NR3C1: variants seen among roughly 807,000 people sequenced by gnomAD.
The protein encoded by NR3C1 is nuclear receptor subfamily 3 group C member 1.
NR3C1 carries 14 observed loss-of-function variants against 74.0 expected under a neutral mutation model. The observed-to-expected ratio is 0.19, with a 90% CI of 0.12 to 0.30. The LOEUF (loss-of-function observed/expected upper bound fraction) is 0.30. Ranked by LOEUF, NR3C1 falls within the 10% of genes least tolerant of loss-of-function variation. The pLI is 1.00. For synonymous variants in NR3C1, 308 were observed against 332.5 expected, an observed-to-expected ratio of 0.93 and a Z score of 0.80; for missense variants, 695 against 909.8, an observed-to-expected ratio of 0.76 and a Z score of 3.04.
At chr5:143,434,356 T>A (rs1752017787) in intron 1 of NR3C1, among the ~76,000 whole-genome samples, 1 of 152,202 alleles carries the variant, frequency 6.6e-6, no homozygotes. Flanking sequence ...TATTTCTTTT[T>A]AGATAAAGCC....
chr5:143,288,536 G>C (rs926386343), intron 7 of NR3C1, among the ~76,000 whole-genome samples: 2 of 151,674 alleles, frequency 1.3e-5, no homozygotes, highest in Non-Finnish European at 2.9e-5. Flanking sequence ...TGTTGCCCAG[G>C]CTAGAGTGCA....
At chr5:143,296,094 CCT>C (rs1357038230) in intron 6 of NR3C1, among the ~76,000 whole-genome samples, 2 of 152,170 alleles carry the variant, frequency 1.3e-5, no homozygotes, top group African/African-American at 4.8e-5. Flanking sequence ...TCAAAATCTG[CCT>C]CTGACAGGCA....
Position 143,279,524 on chromosome 5 carries a change from T to C in NR3C1, c.*2365A>G, listed in dbSNP as rs537319120. On this transcript the variant is annotated 3_prime_UTR_variant, in exon 9 of 9. Coordinates refer to ENST00000394464, the MANE Select transcript of NR3C1 (RefSeq NM_000176.3). ...GCACCAAAAATTTATCCAGCCGGGT[T>C]ACACACCATCTTAAAATATTACATT... 3 of 1,011,894 alleles carry C rather than the reference T, an allele frequency of 3.0e-6. No homozygotes were observed. In the Admixed American group the frequency reaches 1.2e-4, roughly 39 times the overall value. 62.7% of individuals were successfully genotyped at this position (1,011,894 alleles called of 1,614,324 possible).
intron 1 of NR3C1, chr5:143,433,776 G>A (rs996940324): frequency 2.0e-5 from 3 of 152,250 alleles, no homozygotes; most frequent in Admixed American, 6.6e-5. Flanking sequence ...TTCCACACTT[G>A]CCCATCTACA....
rs547980937 is a variant in NR3C1 at position 143,341,674 on chromosome 5, T to G, written c.1185-27506A>C. ...CACCAGAAAGTTGAAAGTGAAATGA[T>G]GTTATTTAATATAAACCTGTTCTTA... On this transcript the variant is annotated intron_variant, in intron 2 of 8. Transcript: ENST00000394464. Among the ~76,000 whole-genome samples the G allele has an allele frequency of 2.0e-5, 3 of 152,336 alleles. No homozygotes were observed. In the South Asian group the frequency reaches 6.2e-4, roughly 32 times the overall value.
intron 2 of NR3C1, among the ~76,000 whole-genome samples, chr5:143,359,045 T>C (rs756538683): frequency 6.6e-6 from 1 of 152,216 alleles, no homozygotes; most frequent in Non-Finnish European, 1.5e-5. Context: ...TCAATGAAGA[T>C]GTTTTGATAA....
intron 1 of NR3C1, among the ~76,000 whole-genome samples, chr5:143,415,756 A>T (rs1841455807): frequency 1.3e-5 from 2 of 152,190 alleles, no homozygotes; most frequent in African/African-American, 4.8e-5. Flanking sequence ...TTGTACAATT[A>T]TTATAGAATT....
At chr5:143,376,901 T>A (rs1234356275) in intron 2 of NR3C1, among the ~76,000 whole-genome samples, 5 of 152,066 alleles carry the variant, frequency 3.3e-5, no homozygotes, top group African/African-American at 1.2e-4. Context: ...GACTGGAGAT[T>A]TAGAATGAAT....
chr5:143,282,585 A>T lies in NR3C1; in HGVS notation c.2164T>A (p.Leu722Met). 6.2e-7 allele frequency: 1 copy of T among 1,613,908 alleles called. No individual in the cohort carries two copies. Among genetic ancestry groups the T allele is most frequent in the Non-Finnish European group, 8.5e-7 (1 of 1,179,868 alleles). ...ACACTTACTTCATGCATAGAATCCAAGAGTTTTGTCAGTTGATAAAACCGC... is the reference window on the plus strand; with the variant it reads ...ACACTTACTTCATGCATAGAATCCATGAGTTTTGTCAGTTGATAAAACCGC... The part of the protein sequence containing the change: ...WQRFYQLTKL[L>M]DSMHEVVENL... The change falls in exon 8 of 9, where the codon TTG becomes ATG. Residue 722 changes from leucine to methionine, a missense_variant. Leu to Met is a conservative substitution (Grantham distance 15, BLOSUM62 2). This residue lies in a region of NR3C1 where 133 missense variants were observed against 287.9 expected (regional missense o/e 0.46). Coordinates refer to ENST00000394464, the MANE Select transcript of NR3C1 (RefSeq NM_000176.3).
At chr5:143,375,610 A>AT (rs1235091787) in intron 2 of NR3C1, 2 of 152,242 alleles carry the variant, frequency 1.3e-5, no homozygotes, top group African/African-American at 4.8e-5. Context: ...GTTACTAAAA[A>AT]TTTTTAATAC....
chr5:143,287,899 G>T (rs771199577), intron 7 of NR3C1, among the ~76,000 whole-genome samples: 12 of 152,126 alleles, frequency 7.9e-5, no homozygotes, highest in Non-Finnish European at 1.0e-4. Flanking sequence ...TTCACATACT[G>T]TATATAGCTG....
At chr5:143,336,200 C>T (rs1423745400) in intron 2 of NR3C1, among the ~76,000 whole-genome samples, 1 of 152,178 alleles carries the variant, frequency 6.6e-6, no homozygotes. Flanking sequence ...AGAGCCCTGG[C>T]TGTTGTTCAC....
intron 2 of NR3C1, among the ~76,000 whole-genome samples, chr5:143,333,900 A>T (rs1826544334): frequency 6.6e-6 from 1 of 152,264 alleles, no homozygotes. Context: ...ATTTTGCTGA[A>T]GAAATCTTAA....
At chr5:143,303,771 C>T (rs549752017) in intron 4 of NR3C1, among the ~76,000 whole-genome samples, 51 of 152,034 alleles carry the variant, frequency 3.4e-4, no homozygotes, top group African/African-American at 1.2e-3. Context: ...ATGCAAGGCT[C>T]GTTCAACATA....
intron 1 of NR3C1, chr5:143,402,755 G>A (rs2151946803): frequency 1.0e-6 from 1 of 985,408 alleles, no homozygotes; most frequent in African/African-American, 1.7e-5. Flanking sequence ...CCTCCCCGGA[G>A]CCCGGGCTCG....
intron 2 of NR3C1, among the ~76,000 whole-genome samples, chr5:143,370,570 T>C (rs1297318687): frequency 6.6e-6 from 1 of 152,226 alleles, no homozygotes; most frequent in Admixed American, 6.5e-5. Context: ...AGCCAACATA[T>C]TAAGGGCACC....
chr5:143,426,798 A>G (rs932551004), intron 1 of NR3C1, among the ~76,000 whole-genome samples: 1 of 152,228 alleles, frequency 6.6e-6, no homozygotes, highest in Non-Finnish European at 1.5e-5. Flanking sequence ...TGATGCACAG[A>G]ACAGCTGTTT....
chr5:143,418,899 G>A (rs1419608850), intron 1 of NR3C1, among the ~76,000 whole-genome samples: 2 of 152,136 alleles, frequency 1.3e-5, no homozygotes, highest in African/African-American at 4.8e-5. Context: ...CTACTAAGTA[G>A]GCATAATGAT....
At chr5:143,282,113 C>G (rs1213221366) in intron 8 of NR3C1, 72 bp from the exon 9 acceptor site, 1 of 1,549,430 alleles carries the variant, frequency 6.5e-7, no homozygotes, top group Admixed American at 1.7e-5. Flanking sequence ...TTGTTGTCCT[C>G]TATTTTGAAA....
Sources: allele counts gnomAD v4.1 joint callset (sites outside exome capture counted in the v4.1 genomes callset), GRCh38; gene constraint gnomAD v4.1.1; regional missense constraint gnomAD v4.1.1; transcripts MANE v1.5; gene names NCBI Gene and HGNC (gene_info 2026-07-23, HGNC 2026-07-21).